ITIH2: variants seen among roughly 807,000 people sequenced by gnomAD.
The protein encoded by ITIH2 is inter-alpha-trypsin inhibitor heavy chain H2.
In ITIH2, 103 loss-of-function variants were observed where a neutral mutation model predicts 104.4. That is an observed-to-expected ratio of 0.99 (90% CI 0.84 to 1.16). The LOEUF (loss-of-function observed/expected upper bound fraction) is 1.16. ITIH2 is among the 50% of genes most tolerant of loss of function. The pLI is 0.00. For missense variants in ITIH2, 1,108 were observed against 1,162.4 expected (o/e 0.95, Z 0.68); for synonymous variants, 436 against 435.4 (o/e 1.00, Z -0.02).
intron 2 of ITIH2, among the ~76,000 whole-genome samples, chr10:7,705,700 TAA>T (rs34935493): frequency 0.015 from 1,925 of 131,812 alleles, 53 homozygotes; most frequent in African/African-American, 0.048. Context: ...CCACTCCATT[TAA>T]AAAAAAAAAA....
intron 14 of ITIH2, 137 bp from the exon 15 acceptor site, chr10:7,734,785 G>T: frequency 1.5e-6 from 1 of 653,822 alleles, no homozygotes. Flanking sequence ...AGTGAGTTCT[G>T]TTTCCCAGTT....
intron 4 of ITIH2, among the ~76,000 whole-genome samples, chr10:7,712,698 AG>A (rs1834807596): frequency 6.6e-6 from 1 of 152,358 alleles, no homozygotes; most frequent in South Asian, 2.1e-4. Flanking sequence ...CAATCAATAA[AG>A]GAAGTCCTGT....
Position 7,726,947 on chromosome 10 carries a change from T to G in ITIH2, c.985-3T>G, listed in dbSNP as rs990145199. The G allele has an allele frequency of 3.1e-6, 5 of 1,603,980 alleles. No individual in the cohort carries two copies. The Admixed American group carries it at 8.5e-5, about 27-fold the overall frequency. On this transcript the variant is annotated splice_polypyrimidine_tract_variant and splice_region_variant and intron_variant, in intron 9 of 20. Transcript: ENST00000358415. ...GACCTGTCTTTATTCTCTATTGAAA[T>G]AGACTGTGGAAGCAATGAAGACCAT... is the stretch of plus-strand genomic sequence containing the variant.
chr10:7,704,412 T>C (rs2131149851), intron 1 of ITIH2, among the ~76,000 whole-genome samples: 1 of 152,368 alleles, frequency 6.6e-6, no homozygotes, highest in South Asian at 2.1e-4. Flanking sequence ...TTGTGCTTTT[T>C]CAGTCATTTC....
intron 18 of ITIH2, 119 bp from the exon 19 acceptor site, chr10:7,744,672 T>A: frequency 1.3e-6 from 1 of 798,924 alleles, no homozygotes; most frequent in Non-Finnish European, 2.0e-6. Flanking sequence ...TTGCAAGCGC[T>A]TAGATAACTA....
At chr10:7,742,163 T>C (rs1009795080) in intron 16 of ITIH2, among the ~76,000 whole-genome samples, 1 of 152,076 alleles carries the variant, frequency 6.6e-6, no homozygotes, top group Non-Finnish European at 1.5e-5. Context: ...CACCAAACAT[T>C]GCCAAATTTA....
intron 14 of ITIH2, among the ~76,000 whole-genome samples, chr10:7,733,797 T>A (rs1247007647): frequency 6.6e-6 from 1 of 152,014 alleles, no homozygotes; most frequent in African/African-American, 2.4e-5. Flanking sequence ...CTCAGGAAGG[T>A]GGAACAGGGT....
At chr10:7,741,089 A>G (rs1835119261) in intron 16 of ITIH2, among the ~76,000 whole-genome samples, 1 of 152,220 alleles carries the variant, frequency 6.6e-6, no homozygotes, top group Non-Finnish European at 1.5e-5. Context: ...TGTCTTTAAT[A>G]AAAGCAATTT....
chr10:7,730,225 C>T lies in ITIH2; in HGVS notation c.1461+92C>T, dbSNP rs1834990021. 4 of 964,738 alleles carry T rather than the reference C, an allele frequency of 4.1e-6. No individual in the cohort carries two copies. In the South Asian group the frequency reaches 7.0e-5, roughly 17 times the overall value. The allele number at this position is 964,738 out of a possible 1,614,324, so 59.8% of individuals were successfully genotyped here. A position where few individuals can be genotyped will look rare whatever the true frequency, so the allele number is the denominator to read the frequency against. ...AGGTATGATGCATAACTGAACTTAACTCAAAATGGTCATGATCTCAGCCAT... is the reference window on the plus strand; with the variant it reads ...AGGTATGATGCATAACTGAACTTAATTCAAAATGGTCATGATCTCAGCCAT... On this transcript the variant is annotated intron_variant, in intron 12 of 20. Transcript: ENST00000358415.
intron 5 of ITIH2, among the ~76,000 whole-genome samples, chr10:7,715,560 G>GCT (rs1455051547): frequency 1.3e-5 from 2 of 152,106 alleles, no homozygotes; most frequent in Non-Finnish European, 2.9e-5. Flanking sequence ...GGAACGCAGA[G>GCT]CTCCCATCCT....
rs59138165 is a variant in ITIH2, at chr10:7,734,726, A to C, written c.1788-196A>C. On this transcript the variant is annotated intron_variant, in intron 14 of 20. Transcript: ENST00000358415. ...AATAATGATAATAAATAAGTAAATA[A>C]ATAATGCCTTGGGACTTAGCCAGAT... Among the ~76,000 whole-genome samples, 1,553 of 152,288 alleles carry C rather than the reference A, an allele frequency of 0.01. 102 individuals carry two copies. In the East Asian group the frequency reaches 0.19, roughly 19 times the overall value.
intron 8 of ITIH2, 106 bp from the exon 9 acceptor site, chr10:7,723,345 T>C: frequency 1.3e-6 from 1 of 755,418 alleles, no homozygotes; most frequent in Non-Finnish European, 2.4e-6. Flanking sequence ...AAGCTCCGCC[T>C]CCTCCTCCCT....
chr10:7,703,330 C>A lies in ITIH2; in HGVS notation c.-105C>A. 2 of 711,152 alleles carry A rather than the reference C, an allele frequency of 2.8e-6. No individual in the cohort carries two copies. Among genetic ancestry groups the A allele is most frequent in the Non-Finnish European group, 5.0e-6 (2 of 399,656 alleles). The allele number at this position is 711,152 out of a possible 1,614,324, so 44.1% of individuals were successfully genotyped here. ...TCTTCTTTTTTCTTCTTTCTTAAAGCGAACTGTACTCCTCTGCTGTTCCTT... is the reference window on the plus strand; with the variant it reads ...TCTTCTTTTTTCTTCTTTCTTAAAGAGAACTGTACTCCTCTGCTGTTCCTT... On this transcript the variant is annotated 5_prime_UTR_variant, in exon 1 of 21. Coordinates refer to ENST00000358415, the MANE Select transcript of ITIH2 (RefSeq NM_002216.3).
At position 7,703,456 on chromosome 10, in the gene ITIH2, T is replaced by C. The variant is rs926900984; in HGVS notation, c.22T>C (p.Phe8Leu). 6.2e-7 allele frequency: 1 copy of C among 1,614,010 alleles called. No homozygotes were observed. Among genetic ancestry groups the C allele is most frequent in the African/African-American group, 1.3e-5 (1 of 75,052 alleles). Residue 8 changes from phenylalanine (F) to leucine (L), a missense_variant, in exon 1 of 21, where the codon TTC (phenylalanine) becomes CTC (leucine). Physicochemically the swap from Phe to Leu is conservative, Grantham distance 22. Transcript: ENST00000358415. Reference protein sequence around the residue: MKRLTCFFICFFLSEVSG... With the variant: MKRLTCFLICFFLSEVSG... ...CAAAATGAAAAGACTCACGTGCTTT[T>C]TCATCTGCTTCTTTCTTTCTGAAGT...
chr10:7,735,930 C>T (rs1363648469), intron 15 of ITIH2, among the ~76,000 whole-genome samples: 1 of 152,156 alleles, frequency 6.6e-6, no homozygotes, highest in Non-Finnish European at 1.5e-5. Context: ...GCCTTGGCCT[C>T]CCAAAGTGCT....
chr10:7,717,071 A>G (rs1372694734), intron 5 of ITIH2, among the ~76,000 whole-genome samples: 3 of 151,580 alleles, frequency 2.0e-5, no homozygotes, highest in Admixed American at 2.0e-4. Context: ...CTCCTGCCTC[A>G]GCCTCCTGAG....
At chr10:7,718,347 A>G (rs1243845916) in intron 6 of ITIH2, among the ~76,000 whole-genome samples, 1 of 151,984 alleles carries the variant, frequency 6.6e-6, no homozygotes, top group Non-Finnish European at 1.5e-5. Flanking sequence ...CCTTAATTGC[A>G]TCTGCAAGGA....
At chr10:7,740,060 C>T (rs1465030267) in intron 16 of ITIH2, among the ~76,000 whole-genome samples, 1 of 152,074 alleles carries the variant, frequency 6.6e-6, no homozygotes, top group Non-Finnish European at 1.5e-5. Flanking sequence ...GTGGCAGGTG[C>T]CTGTAATCCC....
intron 20 of ITIH2, among the ~76,000 whole-genome samples, chr10:7,748,521 CTTTTTTTTTTTTTTTT>C (rs549517172): frequency 3.5e-3 from 96 of 27,132 alleles, no homozygotes; most frequent in Non-Finnish European, 4.5e-3. Context: ...CCAATGCATT[CTTTTTTTTTTTTTTTT>C]TTTTTTTTTT....
Sources: gnomAD v4.1 joint callset for allele counts (sites outside exome capture counted in the v4.1 genomes callset) on GRCh38, gnomAD v4.1.1 for gene constraint, MANE v1.5 for transcripts, NCBI Gene and HGNC (gene_info 2026-07-23, HGNC 2026-07-21) for gene names.